PRRX1: variants seen among roughly 807,000 people sequenced by gnomAD.
The protein encoded by PRRX1 is paired mesoderm homeobox protein 1.
PRRX1 carries 8 observed loss-of-function variants against 24.0 expected under a neutral mutation model. The ratio of observed to expected loss-of-function variants is 0.33; its 90% confidence interval spans 0.20 to 0.60. PRRX1 has a LOEUF of 0.60. Ranked by LOEUF, PRRX1 falls within the 20% of genes least tolerant of loss-of-function variation. The pLI is 0.82. For synonymous variants in PRRX1, 160 were observed against 131.7 expected (o/e 1.22, Z -1.47); for missense variants, 281 against 322.4 (o/e 0.87, Z 0.98).
At chr1:170,664,487 G>C (rs540087443) in intron 1 of PRRX1, 28 bp downstream of exon 1, 2 of 1,580,660 alleles carry the variant, frequency 1.3e-6, no homozygotes, top group Non-Finnish European at 8.6e-7. Flanking sequence ...GCCCACGGGG[G>C]TGTGTGCCCG....
At chr1:170,692,055 A>C (rs892194503) in intron 1 of PRRX1, among the ~76,000 whole-genome samples, 3 of 152,142 alleles carry the variant, frequency 2.0e-5, no homozygotes, top group African/African-American at 7.2e-5. Context: ...ATGGGTCTAG[A>C]ATCTAGACTC....
intron 1 of PRRX1, among the ~76,000 whole-genome samples, chr1:170,683,635 T>C (rs1653629567): frequency 6.6e-6 from 1 of 152,196 alleles, no homozygotes; most frequent in Non-Finnish European, 1.5e-5. Flanking sequence ...TTATTTGAAA[T>C]GTTAGAGTCT....
rs144071005 is a variant in PRRX1, at chr1:170,674,182, C to CCT, written c.241+9742_241+9743dup. Reference sequence around the variant, plus strand: ...CCCTGCTCTAGCAGCCTGCCTGATACCTCTCTCTCTCTCTCTCTCTGTCAC... The same window carrying CCT: ...CCCTGCTCTAGCAGCCTGCCTGATACCTCTCTCTCTCTCTCTCTCTCTGTCAC... On this transcript the variant is annotated intron_variant, in intron 1 of 3. Transcript: ENST00000239461. Among the ~76,000 whole-genome samples the CCT allele has an allele frequency of 9.4e-4, 141 of 149,528 alleles. 1 individual carries two copies. Among genetic ancestry groups the CCT allele is most frequent in the South Asian group, 3.0e-3 (14 of 4,738 alleles).
intron 1 of PRRX1, among the ~76,000 whole-genome samples, chr1:170,714,702 A>G (rs1654852207): frequency 6.6e-6 from 1 of 152,152 alleles, no homozygotes; most frequent in South Asian, 2.1e-4. Flanking sequence ...GCCTTAGTGA[A>G]TAGGGATCAC....
chr1:170,698,683 T>C (rs533091482), intron 1 of PRRX1, among the ~76,000 whole-genome samples: 16 of 152,318 alleles, frequency 1.1e-4, no homozygotes, highest in African/African-American at 3.4e-4. Context: ...CAGAGCAGAA[T>C]TGGCGTAAAG....
upstream of PRRX1, chr1:170,663,963 C>T: frequency 2.0e-6 from 1 of 502,226 alleles, no homozygotes; most frequent in Non-Finnish European, 3.5e-6. Flanking sequence ...GACTTGGCCT[C>T]AGGAAATCAA....
intron 1 of PRRX1, among the ~76,000 whole-genome samples, chr1:170,665,730 C>A (rs1652900869): frequency 1.3e-5 from 2 of 152,266 alleles, no homozygotes; most frequent in African/African-American, 4.8e-5. Flanking sequence ...CTACAGCAAG[C>A]CGCAGAGAGA....
intron 1 of PRRX1, among the ~76,000 whole-genome samples, chr1:170,666,268 AT>A (rs1652924130): frequency 6.6e-6 from 1 of 151,884 alleles, no homozygotes; most frequent in East Asian, 1.9e-4. Flanking sequence ...AAATACAAAA[AT>A]TAGCCGGGCG....
At chr1:170,710,629 C>T (rs186066727) in intron 1 of PRRX1, among the ~76,000 whole-genome samples, 7 of 152,278 alleles carry the variant, frequency 4.6e-5, no homozygotes, top group Non-Finnish European at 8.8e-5. Flanking sequence ...ATATTGAATC[C>T]GTAACCCCCA....
chr1:170,700,184 G>T (rs608590), intron 1 of PRRX1, among the ~76,000 whole-genome samples: 15,911 of 151,752 alleles, frequency 0.1, 1,212 homozygotes, highest in African/African-American at 0.21. Flanking sequence ...TTATTTTTTT[G>T]TGTGAATGAG....
chr1:170,668,546 C>G (rs1653031857), intron 1 of PRRX1: 1 of 152,206 alleles, frequency 6.6e-6, no homozygotes, highest in Admixed American at 6.5e-5. Context: ...AACAGCGACG[C>G]GGGAAATCGA....
intron 3 of PRRX1, chr1:170,727,931 A>T (rs2101923663): frequency 6.6e-6 from 1 of 152,356 alleles, no homozygotes; most frequent in South Asian, 2.1e-4. Context: ...AAATAAATGA[A>T]AGGCTGCTTT....
chr1:170,700,645 A>C (rs1654323450), intron 1 of PRRX1, among the ~76,000 whole-genome samples: 1 of 152,122 alleles, frequency 6.6e-6, no homozygotes, highest in African/African-American at 2.4e-5. Context: ...TGTCCTTCTG[A>C]ATCTGTAAAG....
At position 170,691,500 on chromosome 1, in the gene PRRX1, C is replaced by CCTTTCCTT. The variant is rs1553252796; in HGVS notation, c.241+27042_241+27049dup. Among the ~76,000 whole-genome samples, 601 of 144,438 alleles carry CCTTTCCTT rather than the reference C, an allele frequency of 4.2e-3. 5 individuals are homozygous for CCTTTCCTT. The highest frequency in any genetic ancestry group is 0.015 in the African/African-American group (580 of 39,046). The allele number at this position is 144,438 out of a possible 152,430, so 94.8% of individuals were successfully genotyped here. ...CCTTTCCTTTCCTTTCCTTTCCTTT[C>CCTTTCCTT]CTTTCCTTTCCTTCCTTCTTCCCTC... On this transcript the variant is annotated intron_variant, in intron 1 of 3. Coordinates refer to ENST00000239461, the MANE Select transcript of PRRX1 (RefSeq NM_022716.4).
intron 1 of PRRX1, among the ~76,000 whole-genome samples, chr1:170,693,647 A>G (rs916397617): frequency 6.6e-6 from 1 of 152,148 alleles, no homozygotes; most frequent in East Asian, 1.9e-4. Flanking sequence ...AAGAAAAACT[A>G]TTAGAAATAA....
At chr1:170,671,104 A>G (rs1653127325) in intron 1 of PRRX1, among the ~76,000 whole-genome samples, 1 of 152,180 alleles carries the variant, frequency 6.6e-6, no homozygotes, top group Admixed American at 6.5e-5. Flanking sequence ...CCAAGATCCG[A>G]GTTATGAGAA....
intron 1 of PRRX1, among the ~76,000 whole-genome samples, chr1:170,715,167 G>A (rs1190722035): frequency 6.6e-6 from 1 of 151,970 alleles, no homozygotes; most frequent in Admixed American, 6.6e-5. Context: ...TTTCCTCTGT[G>A]GGTAAAACTA....
chr1:170,719,652 T>C lies in PRRX1; in HGVS notation c.242-74T>C. ...AAATGAAGCAAGATCTCACTATAGA[T>C]ATACCATAAAAAAGTCTTAACTGGG... On this transcript the variant is annotated intron_variant, in intron 1 of 3. Transcript: ENST00000239461. 3 of 1,468,516 alleles carry C rather than the reference T, an allele frequency of 2.0e-6. No homozygotes were observed. The Admixed American group carries it at 5.3e-5, about 26-fold the overall frequency. 91.0% of individuals were successfully genotyped at this position (1,468,516 alleles called of 1,614,324 possible).
In PRRX1 at chr1:170,664,302, G is replaced by A. The variant is rs1234780365; in HGVS notation, c.84G>A (p.Leu28=). The change falls in exon 1 of 4, where the codon CTG becomes CTA. Residue 28 remains leucine (L), a synonymous_variant. Coordinates refer to ENST00000239461, the MANE Select transcript of PRRX1 (RefSeq NM_022716.4). ...ACAGCCCGGGCAACCTCGACACCCTGCAGGCGAAAAAGAACTTCTCCGTCA... is the reference window on the plus strand; with the variant it reads ...ACAGCCCGGGCAACCTCGACACCCTACAGGCGAAAAAGAACTTCTCCGTCA... The part of the protein sequence containing the change: ...RLDSPGNLDT[L]QAKKNFSVSH... The A allele has an allele frequency of 6.2e-7, 1 of 1,613,626 alleles. No individual in the cohort carries two copies. Among genetic ancestry groups the A allele is most frequent in the Non-Finnish European group, 8.5e-7 (1 of 1,179,884 alleles).
Sources: gnomAD v4.1 joint callset for allele counts (sites outside exome capture counted in the v4.1 genomes callset) on GRCh38, gnomAD v4.1.1 for gene constraint, MANE v1.5 for transcripts, NCBI Gene and HGNC (gene_info 2026-07-23, HGNC 2026-07-21) for gene names.